Variants in FLRT1 observed in about 807,000 individuals in gnomAD.
The protein encoded by FLRT1 is leucine-rich repeat transmembrane protein FLRT1.
FLRT1 carries 14 observed loss-of-function variants against 30.9 expected under a neutral mutation model. The ratio of observed to expected loss-of-function variants is 0.45; its 90% CI spans 0.30 to 0.71. The LOEUF (loss-of-function observed/expected upper bound fraction) is 0.71, where lower values mean the gene tolerates loss of function less well. Among genes scored for constraint, FLRT1 ranks in the 30% least tolerant of loss-of-function variants. FLRT1 has a pLI of 0.08. For synonymous variants in FLRT1, 368 were observed against 430.4 expected, an observed-to-expected ratio of 0.85 and a Z score of 1.80; for missense variants, 737 against 949.2, an observed-to-expected ratio of 0.78 and a Z score of 2.94.
intron 1 of FLRT1, among the ~76,000 whole-genome samples, chr11:64,076,236 G>C (rs1944197994): frequency 6.6e-6 from 1 of 152,156 alleles, no homozygotes; most frequent in Non-Finnish European, 1.5e-5. Context: ...TGCTTCCTTA[G>C]CAAGACCCTC....
intron 2 of FLRT1, among the ~76,000 whole-genome samples, chr11:64,109,710 G>A (rs540234922): frequency 3.5e-4 from 53 of 152,278 alleles, no homozygotes; most frequent in African/African-American, 1.1e-3. Context: ...AGGAGGGGAT[G>A]GTTGATGGCC....
intron 1 of FLRT1, among the ~76,000 whole-genome samples, chr11:64,089,343 C>G (rs1295024936): frequency 1.3e-5 from 2 of 152,206 alleles, no homozygotes. Context: ...CGGACCCAAA[C>G]TCGGTCAAAA....
intron 1 of FLRT1, among the ~76,000 whole-genome samples, chr11:64,070,563 G>A (rs2134460655): frequency 6.6e-6 from 1 of 152,314 alleles, no homozygotes; most frequent in East Asian, 1.9e-4. Context: ...CAAGTCAGGT[G>A]GGATCCAGCC....
Position 64,073,094 on chromosome 11 carries a change from G to C in FLRT1, c.-1037-30100G>C, listed in dbSNP as rs556130018. On this transcript the variant is annotated intron_variant, in intron 1 of 2. Transcript: ENST00000682287. ...ACTTGTCCCTGCTCCAGGGTGCCCAGACACATGCAAAGAGGCTGCGGAGGG... is the reference window on the plus strand; with the variant it reads ...ACTTGTCCCTGCTCCAGGGTGCCCACACACATGCAAAGAGGCTGCGGAGGG... Among the ~76,000 whole-genome samples the C allele has an allele frequency of 2.4e-4, 36 of 152,324 alleles. 1 individual carries two copies. The highest frequency in any genetic ancestry group is 8.2e-4 in the African/African-American group (34 of 41,580).
rs142645704 is a variant in FLRT1 at position 64,117,928 on chromosome 11, C to T, written c.1661C>T (p.Ala554Val). The change falls in exon 3 of 3, where the codon GCG becomes GTG. Residue 554 changes from alanine (A) to valine (V), a missense_variant. Coordinates refer to ENST00000682287, the MANE Select transcript of FLRT1 (RefSeq NM_013280.5). ...GGCCCCATGGCGAGCCTGCCCCTGG[C>T]GGGCATCATCGGCGGGGCAGTGGCT... Reference protein sequence around the residue: ...NAGPMASLPLAGIIGGAVALV... With the variant: ...NAGPMASLPLVGIIGGAVALV... 3.1e-5 allele frequency: 50 copies of T among 1,613,774 alleles called. No individual in the cohort carries two copies. Among genetic ancestry groups the T allele is most frequent in the Non-Finnish European group, 4.0e-5 (47 of 1,179,986 alleles).
intron 1 of FLRT1, among the ~76,000 whole-genome samples, chr11:64,093,797 A>C (rs1944531044): frequency 6.6e-6 from 1 of 152,208 alleles, no homozygotes; most frequent in South Asian, 2.1e-4. Flanking sequence ...TGGCCTGGCC[A>C]GGGTGGAAGG....
intron 1 of FLRT1, among the ~76,000 whole-genome samples, chr11:64,071,399 AAACT>A (rs1944105121): frequency 6.6e-6 from 1 of 152,124 alleles, no homozygotes; most frequent in African/African-American, 2.4e-5. Context: ...TGAATGAATG[AAACT>A]CACGGATGGA....
At chr11:64,092,039 C>A (rs528741326) in intron 1 of FLRT1, among the ~76,000 whole-genome samples, 1 of 152,266 alleles carries the variant, frequency 6.6e-6, no homozygotes, top group Non-Finnish European at 1.5e-5. Context: ...CCTGAGGGTC[C>A]CAAAAAACAA....
intron 1 of FLRT1, among the ~76,000 whole-genome samples, chr11:64,046,354 G>A (rs544793805): frequency 6.6e-6 from 1 of 152,320 alleles, no homozygotes; most frequent in Non-Finnish European, 1.5e-5. Context: ...GGCTTACAGA[G>A]GTGACAAAGG....
chr11:64,041,752 A>AC (rs1359716094), intron 1 of FLRT1, among the ~76,000 whole-genome samples: 1 of 151,920 alleles, frequency 6.6e-6, no homozygotes, highest in Non-Finnish European at 1.5e-5. Context: ...ATCCAATTCC[A>AC]CTTCTCTCTG....
intron 1 of FLRT1, among the ~76,000 whole-genome samples, chr11:64,100,296 C>T (rs1458197954): frequency 6.6e-6 from 1 of 152,170 alleles, no homozygotes; most frequent in Non-Finnish European, 1.5e-5. Flanking sequence ...GGCTTTCTTT[C>T]CCTCCTTTCA....
intron 1 of FLRT1, among the ~76,000 whole-genome samples, chr11:64,083,748 G>A (rs1944343486): frequency 6.6e-6 from 1 of 152,182 alleles, no homozygotes; most frequent in South Asian, 2.1e-4. Flanking sequence ...TGGAATGGGG[G>A]TTCGGTGACT....
intron 1 of FLRT1, among the ~76,000 whole-genome samples, chr11:64,055,228 GA>G (rs1243103670): frequency 1.3e-5 from 2 of 152,248 alleles, no homozygotes; most frequent in East Asian, 3.8e-4. Context: ...GGAGCAGGGT[GA>G]GGGGCAGCCA....
intron 1 of FLRT1, among the ~76,000 whole-genome samples, chr11:64,037,091 C>T (rs923950987): frequency 2.0e-5 from 3 of 152,012 alleles, no homozygotes; most frequent in Non-Finnish European, 4.4e-5. Context: ...GCCAGGCCCC[C>T]GAGGCCCAAG....
intron 1 of FLRT1, among the ~76,000 whole-genome samples, chr11:64,053,655 G>T (rs998608474): frequency 1.3e-5 from 2 of 152,160 alleles, no homozygotes; most frequent in African/African-American, 4.8e-5. Flanking sequence ...GGCTCAGCGG[G>T]GTCCTCAGCA....
intron 2 of FLRT1, among the ~76,000 whole-genome samples, chr11:64,110,659 C>T (rs71454592): frequency 0.02 from 3,106 of 152,190 alleles, 53 homozygotes; most frequent in Non-Finnish European, 0.029. Flanking sequence ...CGCCCACCCC[C>T]GTGGCCCGCT....
chr11:64,075,351 C>T (rs986034185), intron 1 of FLRT1, among the ~76,000 whole-genome samples: 2 of 152,264 alleles, frequency 1.3e-5, no homozygotes, highest in African/African-American at 4.8e-5. Flanking sequence ...TGGGTCTAAA[C>T]CGTTCCCTGG....
intron 1 of FLRT1, among the ~76,000 whole-genome samples, chr11:64,039,301 G>A (rs1490153679): frequency 6.6e-6 from 1 of 152,180 alleles, no homozygotes; most frequent in African/African-American, 2.4e-5. Flanking sequence ...CTGCCCCGGG[G>A]GTAGCTTTCC....
chr11:64,114,818 G>A (rs1405055503), intron 2 of FLRT1, among the ~76,000 whole-genome samples: 1 of 152,198 alleles, frequency 6.6e-6, no homozygotes, highest in African/African-American at 2.4e-5. Flanking sequence ...AGATGGATGG[G>A]CAGAGCAGAG....
Sources: gnomAD v4.1 joint callset for allele counts (sites outside exome capture counted in the v4.1 genomes callset) on GRCh38, gnomAD v4.1.1 for gene constraint, MANE v1.5 for transcripts, NCBI Gene and HGNC (gene_info 2026-07-23, HGNC 2026-07-21) for gene names.